The following SLC25A24 variants were observed in gnomAD, a reference collection of about 807,000 sequenced individuals.
SLC25A24 encodes mitochondrial adenyl nucleotide antiporter SLC25A24.
In SLC25A24, 49 loss-of-function variants were observed where a neutral mutation model predicts 60.7. That is an observed-to-expected ratio of 0.81 (90% CI 0.64 to 1.02). SLC25A24 has a LOEUF of 1.02. Ranked by LOEUF, SLC25A24 falls within the 50% of genes least tolerant of loss-of-function variation. SLC25A24 has a pLI of 0.00. For missense variants in SLC25A24, 564 were observed against 586.3 expected (o/e 0.96, Z 0.39); for synonymous variants, 202 against 200.6 (o/e 1.01, Z -0.06).
Position 108,135,753 on chromosome 1 carries a change from A to G in SLC25A24, c.*900T>C, listed in dbSNP as rs1297252298. The G allele has an allele frequency of 1.3e-5, 2 of 152,652 alleles. No homozygotes were observed. The highest frequency in any genetic ancestry group is 2.9e-5 in the Non-Finnish European group (2 of 68,032). 9.5% of individuals were successfully genotyped at this position (152,652 alleles called of 1,614,324 possible). A position where few individuals can be genotyped will look rare whatever the true frequency, so the allele number is the denominator to read the frequency against. On this transcript the variant is annotated 3_prime_UTR_variant, in exon 10 of 10. Transcript: ENST00000565488. ...TAAGCACATCATTTGCTCATGATCA[A>G]TCCACTTCATGCAATTAAAAAAGAA...
chr1:108,167,736 A>T (rs1286070183), intron 3 of SLC25A24, among the ~76,000 whole-genome samples: 1 of 152,230 alleles, frequency 6.6e-6, no homozygotes, highest in Non-Finnish European at 1.5e-5. Flanking sequence ...ATGGAAATGC[A>T]GCAATCATGC....
At chr1:108,148,927 G>A (rs1418863703) in intron 6 of SLC25A24, among the ~76,000 whole-genome samples, 4 of 152,256 alleles carry the variant, frequency 2.6e-5, no homozygotes, top group Middle Eastern at 3.4e-3. Context: ...GCTAATACAC[G>A]CAGTGACTGG....
At chr1:108,156,351 T>C (rs1470572090) in intron 5 of SLC25A24, among the ~76,000 whole-genome samples, 1 of 152,154 alleles carries the variant, frequency 6.6e-6, no homozygotes, top group African/African-American at 2.4e-5. Context: ...TCCAGAGAAA[T>C]CCATTTTATT....
At position 108,178,523 on chromosome 1, in the gene SLC25A24, C is replaced by T. The variant is rs1179365490; in HGVS notation, c.398+3418G>A. Among the ~76,000 whole-genome samples the T allele has an allele frequency of 3.3e-5, 5 of 151,992 alleles. 1 individual carries two copies. The highest frequency in any genetic ancestry group is 2.6e-4 in the Admixed American group (4 of 15,262). ...CTTTTCCGACCACAATAATAAAAAA[C>T]TAGAAATCAGGCCAGGCGCGGTGGC... On this transcript the variant is annotated intron_variant, in intron 3 of 9. Coordinates refer to ENST00000565488, the MANE Select transcript of SLC25A24 (RefSeq NM_013386.5).
At chr1:108,175,382 G>A (rs1376428724) in intron 3 of SLC25A24, among the ~76,000 whole-genome samples, 1 of 152,130 alleles carries the variant, frequency 6.6e-6, no homozygotes, top group Non-Finnish European at 1.5e-5. Flanking sequence ...CTTCCACCAT[G>A]ATTGTAAGTT....
intron 3 of SLC25A24, 143 bp from the exon 4 acceptor site, chr1:108,161,436 G>A: frequency 1.7e-6 from 1 of 597,038 alleles, no homozygotes; most frequent in South Asian, 2.1e-5. Context: ...AATATAGGTT[G>A]TTGGAAATGG....
At chr1:108,143,872 G>C (rs1679514167) in intron 7 of SLC25A24, among the ~76,000 whole-genome samples, 162 bp from the exon 8 acceptor site, 1 of 152,096 alleles carries the variant, frequency 6.6e-6, no homozygotes, top group South Asian at 2.1e-4. Flanking sequence ...CCTCTATTGG[G>C]GGGCTAAGAC....
chr1:108,189,890 TATAG>T (rs1482290081), intron 1 of SLC25A24, among the ~76,000 whole-genome samples: 5 of 148,422 alleles, frequency 3.4e-5, no homozygotes, highest in African/African-American at 1.3e-4. Flanking sequence ...TATATGTATA[TATAG>T]AGAGAGTATA....
At chr1:108,176,589 CA>C (rs1647681593) in intron 3 of SLC25A24, among the ~76,000 whole-genome samples, 1 of 152,056 alleles carries the variant, frequency 6.6e-6, no homozygotes, top group Admixed American at 6.6e-5. Flanking sequence ...ATCAAACTAT[CA>C]AAAATCAAAG....
intron 6 of SLC25A24, among the ~76,000 whole-genome samples, chr1:108,154,695 G>T (rs1261321249): frequency 6.6e-6 from 1 of 152,056 alleles, no homozygotes; most frequent in Non-Finnish European, 1.5e-5. Flanking sequence ...TGCTGCTTCT[G>T]CTCAGGATTC....
In SLC25A24 at chr1:108,187,931, T is replaced by TAGATAGATAG. The variant is rs1323998368; in HGVS notation, c.184-1978_184-1977insCTATCTATCT. Among the ~76,000 whole-genome samples the TAGATAGATAG allele has an allele frequency of 3.6e-5, 2 of 55,506 alleles. 1 individual carries two copies. The highest frequency in any genetic ancestry group is 8.9e-5 in the Non-Finnish European group (2 of 22,578). The allele number at this position is 55,506 out of a possible 152,430, so 36.4% of individuals were successfully genotyped here. Reference sequence around the variant, plus strand: ...CGAAATGGATAAGACATTATAGATATATATATATATATATTCATGCACTGT... The same window carrying TAGATAGATAG: ...CGAAATGGATAAGACATTATAGATATAGATAGATAGATATATATATATATTCATGCACTGT... On this transcript the variant is annotated intron_variant, in intron 1 of 9. Transcript: ENST00000565488.
intron 4 of SLC25A24, among the ~76,000 whole-genome samples, chr1:108,159,081 C>T (rs1679983331): frequency 1.3e-5 from 2 of 152,130 alleles, no homozygotes; most frequent in Admixed American, 1.3e-4. Context: ...GTTTCAGGAG[C>T]AGATTGCACA....
intron 3 of SLC25A24, 65 bp from the exon 4 acceptor site, chr1:108,161,358 C>A: frequency 1.2e-6 from 1 of 824,052 alleles, no homozygotes; most frequent in South Asian, 1.5e-5. Flanking sequence ...ACATTATTGG[C>A]CACTTTACAG....
rs758258978 is a variant in SLC25A24, at chr1:108,136,700, C to A, written c.1387G>T (p.Val463Leu). The A allele has an allele frequency of 5.0e-6, 8 of 1,614,148 alleles. No homozygotes were observed. The highest frequency in any genetic ancestry group is 6.8e-6 in the Non-Finnish European group (8 of 1,179,982). ...KVLPAVGISYVVYENMKQTLG... is the reference protein window; with the variant it reads ...KVLPAVGISYLVYENMKQTLG... ...GTTTGCTTCATATTTTCATAAACCA[C>A]ATAACTGATGCCTACAGCAGGGAGC... Residue 463 changes from valine (V) to leucine (L), a missense_variant, in exon 10 of 10, where the codon GTG becomes TTG. Transcript: ENST00000565488.
intron 5 of SLC25A24, 78 bp from the exon 6 acceptor site, chr1:108,155,213 T>C: frequency 7.9e-7 from 1 of 1,265,828 alleles, no homozygotes; most frequent in Non-Finnish European, 1.1e-6. Flanking sequence ...ACACAATCTT[T>C]TTCAATACCC....
At chr1:108,197,848 GC>G (rs1377152593) in intron 1 of SLC25A24, among the ~76,000 whole-genome samples, 4 of 152,210 alleles carry the variant, frequency 2.6e-5, no homozygotes, top group Non-Finnish European at 5.9e-5. Flanking sequence ...CCCTGATGTG[GC>G]CGTGTTGGGA....
chr1:108,160,795 C>T (rs982868444), intron 4 of SLC25A24, among the ~76,000 whole-genome samples: 3 of 152,206 alleles, frequency 2.0e-5, no homozygotes, highest in East Asian at 3.9e-4. Flanking sequence ...CAAAAAAATA[C>T]GAAAAACAGT....
chr1:108,139,018 C>A (rs766681783), intron 9 of SLC25A24, 40 bp downstream of exon 9: 4 of 1,497,288 alleles, frequency 2.7e-6, no homozygotes, highest in Middle Eastern at 3.6e-4. Context: ...ATTACTGGTG[C>A]AGCACTTTTA....
chr1:108,156,362 TTAAA>T lies in SLC25A24; in HGVS notation c.669+1096_669+1099del, dbSNP rs1280984904. 1.3e-5 allele frequency among the ~76,000 whole-genome samples: 2 copies of T among 152,190 alleles called. 1 individual carries two copies. Among genetic ancestry groups the T allele is most frequent in the Admixed American group, 1.3e-4 (2 of 15,272 alleles). The stretch of plus-strand genomic sequence containing the variant: ...AAATTCCAGAGAAATCCATTTTATT[TTAAA>T]TAAATAAACTTCACAATAAAATAGG... On this transcript the variant is annotated intron_variant, in intron 5 of 9. Coordinates refer to ENST00000565488, the MANE Select transcript of SLC25A24 (RefSeq NM_013386.5).
Sources: allele counts gnomAD v4.1 joint callset (sites outside exome capture counted in the v4.1 genomes callset), GRCh38; gene constraint gnomAD v4.1.1; transcripts MANE v1.5; gene names NCBI Gene and HGNC (gene_info 2026-07-23, HGNC 2026-07-21).